The following PRIMPOL variants were observed in gnomAD, a reference collection of about 807,000 sequenced individuals.
PRIMPOL encodes the protein primase and DNA directed polymerase.
Under a neutral mutation model 63.6 loss-of-function variants are expected in PRIMPOL, and 54 were observed. That is an observed-to-expected ratio of 0.85 (90% CI 0.68 to 1.07). PRIMPOL has a LOEUF of 1.07. Ranked by LOEUF, PRIMPOL falls within the 50% of genes least tolerant of loss-of-function variation. PRIMPOL has a pLI of 0.00. For missense variants in PRIMPOL, 610 were observed against 648.3 expected (o/e 0.94, Z 0.64); for synonymous variants, 197 against 220.2 (o/e 0.89, Z 0.93).
At chr4:184,653,039 GAGGA>G (rs1249182698) in intron 2 of PRIMPOL, among the ~76,000 whole-genome samples, 1 of 646 alleles carries the variant, frequency 1.5e-3, no homozygotes, top group African/African-American at 1.6e-3. Context: ...AAGAGGGAGG[GAGGA>G]AGGAAGGAAG....
intron 6 of PRIMPOL, among the ~76,000 whole-genome samples, 197 bp from the exon 7 acceptor site, chr4:184,671,976 G>A (rs541647957): frequency 8.3e-4 from 126 of 152,234 alleles, no homozygotes; most frequent in Admixed American, 1.8e-3. Context: ...TCCCGACCTT[G>A]TGATCCGCCC....
At position 184,659,293 on chromosome 4, in the gene PRIMPOL, G is replaced by T. The variant is rs1000986373; in HGVS notation, c.181-47G>T. On this transcript the variant is annotated intron_variant, in intron 3 of 13. Transcript: ENST00000314970. Reference sequence around the variant, plus strand: ...ATTCAGTAGCTACAGTTGAGTTTAGGTTTGCATTTTGTGAATTTTTCTGAA... The same window carrying T: ...ATTCAGTAGCTACAGTTGAGTTTAGTTTTGCATTTTGTGAATTTTTCTGAA... 26 of 1,421,940 alleles carry T rather than the reference G, an allele frequency of 1.8e-5. 2 individuals are homozygous for T. The highest frequency in any genetic ancestry group is 3.5e-4 in the Middle Eastern group (2 of 5,716). The allele number at this position is 1,421,940 out of a possible 1,614,324, so 88.1% of individuals were successfully genotyped here.
At chr4:184,687,435 C>T (rs1275168092) in intron 11 of PRIMPOL, among the ~76,000 whole-genome samples, 2 of 152,076 alleles carry the variant, frequency 1.3e-5, no homozygotes, top group Non-Finnish European at 2.9e-5. Flanking sequence ...CTGCCGCCCA[C>T]CTTAACAACC....
At chr4:184,681,735 C>A (rs1435946606) in intron 8 of PRIMPOL, among the ~76,000 whole-genome samples, 2 of 151,954 alleles carry the variant, frequency 1.3e-5, no homozygotes, top group Non-Finnish European at 2.9e-5. Flanking sequence ...CCACCATGCC[C>A]AGCTAATTTT....
chr4:184,691,559 A>G lies in PRIMPOL; in HGVS notation c.1356A>G (p.Lys452=), dbSNP rs2150172622. The G allele has an allele frequency of 6.2e-7, 1 of 1,609,126 alleles. No individual in the cohort carries two copies. Among genetic ancestry groups the G allele is most frequent in the South Asian group, 1.1e-5 (1 of 90,842 alleles). ...WYQKCHDPVC[K]AENFKSDCFP... ...AAAAATGTCATGACCCTGTATGTAAAGCAGAAAACTTCAAATCTGACTGTA... is the reference window on the plus strand; with the variant it reads ...AAAAATGTCATGACCCTGTATGTAAGGCAGAAAACTTCAAATCTGACTGTA... Residue 452 remains lysine (K), a synonymous_variant, in exon 12 of 14, where the codon AAA becomes AAG. Coordinates refer to ENST00000314970, the MANE Select transcript of PRIMPOL (RefSeq NM_152683.4).
intron 6 of PRIMPOL, among the ~76,000 whole-genome samples, chr4:184,667,995 T>A (rs1011773049): frequency 6.6e-6 from 1 of 152,210 alleles, no homozygotes; most frequent in African/African-American, 2.4e-5. Flanking sequence ...CCATTTAAAA[T>A]GTTTTCTCAC....
chr4:184,656,917 A>G (rs1319758683), intron 2 of PRIMPOL, among the ~76,000 whole-genome samples, 165 bp from the exon 3 acceptor site: 2 of 152,220 alleles, frequency 1.3e-5, no homozygotes, highest in African/African-American at 4.8e-5. Context: ...AAGAACCAGG[A>G]TCTAAGAATT....
intron 3 of PRIMPOL, 175 bp downstream of exon 3, chr4:184,657,495 A>G (rs1019029730): frequency 3.2e-5 from 17 of 536,410 alleles, no homozygotes; most frequent in African/African-American, 2.7e-4. Flanking sequence ...GTGATTTAGG[A>G]AAAATATTCC....
chr4:184,664,665 C>G (rs1749330074), intron 5 of PRIMPOL, among the ~76,000 whole-genome samples: 1 of 152,174 alleles, frequency 6.6e-6, no homozygotes, highest in African/African-American at 2.4e-5. Flanking sequence ...TCCCATTGGC[C>G]AGACTTAGCA....
intron 9 of PRIMPOL, among the ~76,000 whole-genome samples, 168 bp downstream of exon 9, chr4:184,682,504 C>T (rs116804906): frequency 0.029 from 4,406 of 152,032 alleles, 218 homozygotes; most frequent in African/African-American, 0.1. Flanking sequence ...TGCACCATCA[C>T]GCCCAGATAA....
rs773486439 is a variant in PRIMPOL at position 184,694,519 on chromosome 4, A to T, written c.1426-3A>T. 2.5e-6 allele frequency: 4 copies of T among 1,607,400 alleles called. No homozygotes were observed. The highest frequency in any genetic ancestry group is 1.7e-6 in the Non-Finnish European group (2 of 1,175,914). On this transcript the variant is annotated splice_region_variant and splice_polypyrimidine_tract_variant and intron_variant, in intron 13 of 13. Coordinates refer to ENST00000314970, the MANE Select transcript of PRIMPOL (RefSeq NM_152683.4). ...TCTCTATCCCTTCACCACTGAAATA[A>T]AGGAAGAAGAGTTTACAACAGATGA...
At chr4:184,660,321 C>T (rs1176651947) in intron 4 of PRIMPOL, among the ~76,000 whole-genome samples, 2 of 151,972 alleles carry the variant, frequency 1.3e-5, no homozygotes. Context: ...GCTGGGATTA[C>T]AGGTGCCTGC....
intron 2 of PRIMPOL, among the ~76,000 whole-genome samples, chr4:184,655,743 C>T (rs1045061387): frequency 3.9e-5 from 6 of 152,158 alleles, no homozygotes; most frequent in Non-Finnish European, 8.8e-5. Context: ...ACTCAATAAG[C>T]ACAAATGTGT....
chr4:184,670,786 G>A (rs1324304853), intron 6 of PRIMPOL, among the ~76,000 whole-genome samples: 2 of 152,110 alleles, frequency 1.3e-5, no homozygotes, highest in African/African-American at 2.4e-5. Flanking sequence ...TACCTCAAGT[G>A]ATCTGCCCAC....
intron 6 of PRIMPOL, among the ~76,000 whole-genome samples, chr4:184,666,995 A>G (rs1216090968): frequency 6.6e-6 from 1 of 152,252 alleles, no homozygotes; most frequent in Non-Finnish European, 1.5e-5. Flanking sequence ...TCCAAACAGC[A>G]GATGATTGAC....
intron 6 of PRIMPOL, among the ~76,000 whole-genome samples, chr4:184,671,784 C>A (rs1478755174): frequency 6.6e-6 from 1 of 150,518 alleles, no homozygotes; most frequent in African/African-American, 2.5e-5. Context: ...ACTCTGTCAC[C>A]CAGGCTGGAG....
chr4:184,659,670 G>A (rs1747716593), intron 4 of PRIMPOL, among the ~76,000 whole-genome samples: 1 of 151,950 alleles, frequency 6.6e-6, no homozygotes, highest in African/African-American at 2.4e-5. Flanking sequence ...GTACTCAAAG[G>A]GAGTTTTGAA....
chr4:184,677,282 A>C (rs950814127), intron 7 of PRIMPOL, among the ~76,000 whole-genome samples: 1 of 151,932 alleles, frequency 6.6e-6, no homozygotes, highest in African/African-American at 2.4e-5. Flanking sequence ...GTTTAGATCT[A>C]CAGTCCACTT....
chr4:184,650,719 A>G (rs1174488958), intron 1 of PRIMPOL, among the ~76,000 whole-genome samples: 2 of 152,228 alleles, frequency 1.3e-5, no homozygotes, highest in Non-Finnish European at 2.9e-5. Context: ...TGTGAGCACG[A>G]CATTCTGCAT....
Sources: allele counts gnomAD v4.1 joint callset (sites outside exome capture counted in the v4.1 genomes callset), GRCh38; gene constraint gnomAD v4.1.1; transcripts MANE v1.5; gene names NCBI Gene and HGNC (gene_info 2026-07-23, HGNC 2026-07-21).